The following PGCKA1 variants were observed in gnomAD, a reference collection of about 807,000 sequenced individuals.
The protein encoded by PGCKA1 is PDCD10 and GCKIII kinases-associated protein 1.
chr4:37,477,081 A>G, the PGCKA1 span, among the ~76,000 whole-genome samples: 1 of 152,238 alleles, frequency 6.6e-6, no homozygotes, highest in African/African-American at 2.4e-5. Context: ...TATGTCACAG[A>G]AAGACTTGTA....
At chr4:37,516,285 T>A in the PGCKA1 span, among the ~76,000 whole-genome samples, 1 of 152,220 alleles carries the variant, frequency 6.6e-6, no homozygotes, top group Non-Finnish European at 1.5e-5. Flanking sequence ...CAAGTCAGAA[T>A]CTGCATTTTA....
the PGCKA1 span, among the ~76,000 whole-genome samples, chr4:37,490,300 G>C: frequency 2.6e-5 from 4 of 152,106 alleles, no homozygotes; most frequent in Non-Finnish European, 5.9e-5. Context: ...CAGGAGGTTT[G>C]AACCCAGCAA....
At chr4:37,481,189 T>G in the PGCKA1 span, among the ~76,000 whole-genome samples, 192 of 152,276 alleles carry the variant, frequency 1.3e-3, 1 homozygote, top group African/African-American at 4.1e-3. Context: ...ATTTCAAATT[T>G]TTTCACATTT....
chr4:37,507,411 A>G, the PGCKA1 span, among the ~76,000 whole-genome samples: 2 of 151,570 alleles, frequency 1.3e-5, no homozygotes, highest in African/African-American at 4.8e-5. Flanking sequence ...AGGTGGCATT[A>G]TTTCTTGATT....
the PGCKA1 span, among the ~76,000 whole-genome samples, chr4:37,558,620 T>C: frequency 6.6e-6 from 1 of 151,408 alleles, no homozygotes; most frequent in African/African-American, 2.4e-5. Flanking sequence ...AAAGAGCTTC[T>C]GCACAGCAAA....
chr4:37,588,463 A>G, the PGCKA1 span: 232 of 165,938 alleles, frequency 1.4e-3, 9 homozygotes, highest in South Asian at 0.04. Context: ...TGCTGCGTGC[A>G]GTGGGCCGTG....
chr4:37,550,374 AATT>A, the PGCKA1 span, among the ~76,000 whole-genome samples: 17 of 151,982 alleles, frequency 1.1e-4, no homozygotes, highest in African/African-American at 1.4e-4. Flanking sequence ...TAAAAAAAAA[AATT>A]AAGTATATCT....
At chr4:37,499,559 T>C in the PGCKA1 span, among the ~76,000 whole-genome samples, 29 of 152,200 alleles carry the variant, frequency 1.9e-4, no homozygotes, top group African/African-American at 6.5e-4. Context: ...AATTTATCAA[T>C]TTCTTTTAGA....
chr4:37,497,922 A>T, the PGCKA1 span, among the ~76,000 whole-genome samples: 89,347 of 151,874 alleles, frequency 0.59, 26,601 homozygotes, highest in South Asian at 0.75. Context: ...TTATTGCATT[A>T]GCTTTTGGGT....
the PGCKA1 span, among the ~76,000 whole-genome samples, chr4:37,512,454 C>CTTTTTTTT: frequency 2.4e-5 from 3 of 126,968 alleles, no homozygotes; most frequent in Non-Finnish European, 3.2e-5. Flanking sequence ...GTGTTGATTT[C>CTTTTTTTT]TTTTTTTTTT....
At chr4:37,572,561 C>T in the PGCKA1 span, among the ~76,000 whole-genome samples, 2 of 152,056 alleles carry the variant, frequency 1.3e-5, no homozygotes, top group Non-Finnish European at 2.9e-5. Flanking sequence ...TTATATAAAC[C>T]ATGGTCCTTT....
chr4:37,487,102 T>TGGC, the PGCKA1 span, among the ~76,000 whole-genome samples: 890 of 152,360 alleles, frequency 5.8e-3, 6 homozygotes, highest in Middle Eastern at 0.01. Flanking sequence ...CATCTTAAGA[T>TGGC]ACATTTATTA....
At chr4:37,531,990 A>AT in the PGCKA1 span, among the ~76,000 whole-genome samples, 1 of 152,052 alleles carries the variant, frequency 6.6e-6, no homozygotes, top group South Asian at 2.1e-4. Context: ...GGTAATTGAC[A>AT]TCTATTATAT....
At chr4:37,515,559 C>T in the PGCKA1 span, among the ~76,000 whole-genome samples, 1 of 152,174 alleles carries the variant, frequency 6.6e-6, no homozygotes, top group Non-Finnish European at 1.5e-5. Context: ...TACACTATAC[C>T]ACACTGGTAC....
At chr4:37,478,087 G>A in the PGCKA1 span, among the ~76,000 whole-genome samples, 2 of 151,162 alleles carry the variant, frequency 1.3e-5, no homozygotes, top group African/African-American at 4.9e-5. Flanking sequence ...TTCCAGTCTT[G>A]TATGGATTGG....
chr4:37,455,019 C>T, the PGCKA1 span, among the ~76,000 whole-genome samples: 1 of 152,104 alleles, frequency 6.6e-6, no homozygotes, highest in Non-Finnish European at 1.5e-5. Context: ...GAAAGAATTA[C>T]GGATGGTCCT....
At chr4:37,549,141 C>CT in the PGCKA1 span, among the ~76,000 whole-genome samples, 1 of 152,382 alleles carries the variant, frequency 6.6e-6, no homozygotes, top group Admixed American at 6.5e-5. Context: ...GGAAACTTAG[C>CT]ATTCCTTGGA....
chr4:37,560,114 T>G, the PGCKA1 span, among the ~76,000 whole-genome samples: 2 of 152,192 alleles, frequency 1.3e-5, no homozygotes, highest in Non-Finnish European at 2.9e-5. Flanking sequence ...CATTTCACTT[T>G]CCATGGCCAC....
At chr4:37,570,584 T>C in the PGCKA1 span, among the ~76,000 whole-genome samples, 37,272 of 152,134 alleles carry the variant, frequency 0.24, 4,634 homozygotes, top group South Asian at 0.35. Flanking sequence ...TTATTCATTC[T>C]TCTTGGGTCA....
Sources: allele counts gnomAD v4.1 joint callset (sites outside exome capture counted in the v4.1 genomes callset), GRCh38; gene constraint gnomAD v4.1.1; transcripts MANE v1.5; gene names NCBI Gene and HGNC (gene_info 2026-07-23, HGNC 2026-07-21).